Variants in CRYZL1 observed in about 807,000 individuals in gnomAD.
CRYZL1 encodes the protein ferry endosomal RAB5 effector complex subunit 4.
A neutral mutation model predicts 50.6 loss-of-function variants in CRYZL1; 34 were observed. The ratio of observed to expected loss-of-function variants is 0.67; its 90% confidence interval spans 0.51 to 0.89. The LOEUF is 0.89. CRYZL1 is among the 40% of genes least tolerant of loss of function. The probability of loss-of-function intolerance (pLI) is 0.00; values close to 1 mark genes in which losing one functional copy is unlikely to be tolerated. For synonymous variants in CRYZL1, 125 were observed against 134.3 expected, an observed-to-expected ratio of 0.93 and a Z score of 0.48; for missense variants, 354 against 402.3, an observed-to-expected ratio of 0.88 and a Z score of 1.03.
intron 2 of CRYZL1, among the ~76,000 whole-genome samples, chr21:33,626,040 G>C (rs1044686447): frequency 6.6e-6 from 1 of 150,812 alleles, no homozygotes; most frequent in Non-Finnish European, 1.5e-5. Context: ...TGCAACCTCT[G>C]CCTCCCGAGT....
intron 2 of CRYZL1, among the ~76,000 whole-genome samples, chr21:33,625,570 A>G (rs1367933142): frequency 6.6e-6 from 1 of 150,452 alleles, no homozygotes; most frequent in Non-Finnish European, 1.5e-5. Flanking sequence ...TGCAGCCTCA[A>G]CCTCCAAGGC....
At chr21:33,609,539 G>A (rs1199407811) in intron 6 of CRYZL1, among the ~76,000 whole-genome samples, 1 of 151,746 alleles carries the variant, frequency 6.6e-6, no homozygotes. Flanking sequence ...TCGGACTCCT[G>A]AGCTCAAGCA....
At chr21:33,605,530 C>CTTTTTTTTTTTTTTTTTTTT (rs146096008) in intron 6 of CRYZL1, among the ~76,000 whole-genome samples, 842 of 53,188 alleles carry the variant, frequency 0.016, 384 homozygotes, top group East Asian at 0.067. Context: ...TACAAGAATT[C>CTTTTTTTTTTTTTTTTTTTT]TTTTTTTTTT....
intron 1 of CRYZL1, among the ~76,000 whole-genome samples, chr21:33,637,685 G>A (rs1201855537): frequency 1.3e-5 from 2 of 149,572 alleles, no homozygotes; most frequent in East Asian, 3.9e-4. Context: ...TTCAGAGTTC[G>A]GTTATAATGT....
chr21:33,619,819 T>C (rs1245705135), intron 4 of CRYZL1, among the ~76,000 whole-genome samples: 1 of 152,248 alleles, frequency 6.6e-6, no homozygotes, highest in Non-Finnish European at 1.5e-5. Flanking sequence ...CACTTTCACT[T>C]GCTTGTCTTT....
At position 33,621,987 on chromosome 21, in the gene CRYZL1, T is replaced by C; in HGVS notation, c.217+9A>G. 3 of 1,580,466 alleles carry C rather than the reference T, an allele frequency of 1.9e-6. No homozygotes were observed. The highest frequency in any genetic ancestry group is 2.6e-6 in the Non-Finnish European group (3 of 1,149,832). On this transcript the variant is annotated intron_variant, in intron 4 of 12. Transcript: ENST00000381554. ...AAATAAATACATATACTCACATCTG[T>C]ATACTTACCATCTAATACAATTCCA...
intron 9 of CRYZL1, among the ~76,000 whole-genome samples, chr21:33,597,804 C>A (rs1057275066): frequency 6.6e-6 from 1 of 152,004 alleles, no homozygotes; most frequent in African/African-American, 2.4e-5. Context: ...TTAGTAGAGA[C>A]GGGGTTTCAT....
chr21:33,631,712 A>C (rs2087139716), intron 1 of CRYZL1, among the ~76,000 whole-genome samples, 155 bp from the exon 2 acceptor site: 1 of 152,206 alleles, frequency 6.6e-6, no homozygotes, highest in Admixed American at 6.5e-5. Flanking sequence ...AAAGTGATCA[A>C]ATAAGAGAAT....
At chr21:33,617,341 A>G (rs972142223) in intron 4 of CRYZL1, among the ~76,000 whole-genome samples, 10 of 152,160 alleles carry the variant, frequency 6.6e-5, no homozygotes, top group Non-Finnish European at 1.0e-4. Context: ...TTAAGGAAGA[A>G]GGAGTAAAGA....
intron 2 of CRYZL1, 49 bp downstream of exon 2, chr21:33,631,437 G>T: frequency 7.5e-7 from 1 of 1,330,434 alleles, no homozygotes; most frequent in Non-Finnish European, 1.0e-6. Flanking sequence ...TGGGTTTATT[G>T]CAGATAAAAA....
chr21:33,620,895 G>A lies in CRYZL1; in HGVS notation c.217+1101C>T, dbSNP rs138006649. Among the ~76,000 whole-genome samples the A allele has an allele frequency of 3.2e-3, 440 of 138,336 alleles. 3 individuals carry two copies. The highest frequency in any genetic ancestry group is 0.011 in the African/African-American group (418 of 36,536). 90.8% of individuals were successfully genotyped at this position (138,336 alleles called of 152,430 possible). On this transcript the variant is annotated intron_variant, in intron 4 of 12. Coordinates refer to ENST00000381554, the MANE Select transcript of CRYZL1 (RefSeq NM_145858.3). ...TGTCGTGTACCCGTAGACCAGGGGT[G>A]TCCAATCTTTTTTTTTTTTTTTTTT...
Position 33,624,775 on chromosome 21 carries a change from TAAC to T in CRYZL1, c.67-18_67-16del. 2 of 1,583,470 alleles carry T rather than the reference TAAC, an allele frequency of 1.3e-6. No individual in the cohort carries two copies. Among genetic ancestry groups the T allele is most frequent in the South Asian group, 2.4e-5 (2 of 85,106 alleles). On this transcript the variant is annotated splice_polypyrimidine_tract_variant and intron_variant, in intron 2 of 12. Coordinates refer to ENST00000381554, the MANE Select transcript of CRYZL1 (RefSeq NM_145858.3). Reference sequence around the variant, plus strand: ...GGAAGATCTTCCTAGAACCAAATGATAACAAAACAATATGTTATTTTACACATT... The same window carrying T: ...GGAAGATCTTCCTAGAACCAAATGATAAAACAATATGTTATTTTACACATT...
intron 9 of CRYZL1, among the ~76,000 whole-genome samples, 185 bp downstream of exon 9, chr21:33,598,965 C>A (rs888319104): frequency 6.6e-6 from 1 of 152,034 alleles, no homozygotes; most frequent in Non-Finnish European, 1.5e-5. Context: ...TTACATACAG[C>A]GCTTACAATG....
intron 6 of CRYZL1, among the ~76,000 whole-genome samples, chr21:33,610,738 T>TG (rs935824772): frequency 6.9e-6 from 1 of 144,898 alleles, no homozygotes; most frequent in Non-Finnish European, 1.5e-5. Flanking sequence ...TTTTTTTTTT[T>TG]TTTTTTTTTT....
chr21:33,632,984 A>C (rs2087159103), intron 1 of CRYZL1, among the ~76,000 whole-genome samples: 3 of 152,126 alleles, frequency 2.0e-5, no homozygotes, highest in Admixed American at 2.0e-4. Flanking sequence ...TATATAAATA[A>C]AATTATACTC....
At chr21:33,631,672 T>C in intron 1 of CRYZL1, 115 bp from the exon 2 acceptor site, 1 of 562,004 alleles carries the variant, frequency 1.8e-6, no homozygotes, top group Non-Finnish European at 2.7e-6. Context: ...AATGTAGTTT[T>C]CAAATAAGTA....
At chr21:33,605,972 C>G (rs1439842498) in intron 6 of CRYZL1, among the ~76,000 whole-genome samples, 1 of 152,186 alleles carries the variant, frequency 6.6e-6, no homozygotes, top group Non-Finnish European at 1.5e-5. Context: ...CTAGTGCCAT[C>G]TAGTGGGCGA....
intron 11 of CRYZL1, chr21:33,595,201 T>C: frequency 1.8e-6 from 2 of 1,126,162 alleles, no homozygotes; most frequent in Non-Finnish European, 2.2e-6. Context: ...GACTTATCTC[T>C]GAATGACTTT....
intron 4 of CRYZL1, chr21:33,616,954 T>TA: frequency 1.3e-5 from 5 of 373,204 alleles, no homozygotes; most frequent in Non-Finnish European, 2.4e-5. Flanking sequence ...ATTCTCTAGA[T>TA]ATTTGGGCCA....
Sources: allele counts gnomAD v4.1 joint callset (sites outside exome capture counted in the v4.1 genomes callset), GRCh38; gene constraint gnomAD v4.1.1; transcripts MANE v1.5; gene names NCBI Gene and HGNC (gene_info 2026-07-23, HGNC 2026-07-21).